The following SNX29 variants were observed in gnomAD, a reference collection of about 807,000 sequenced individuals.
SNX29 encodes sorting nexin-29.
In SNX29, 78 loss-of-function variants were observed where a neutral mutation model predicts 102.1. The ratio of observed to expected loss-of-function variants is 0.76; its 90% CI spans 0.64 to 0.92. The LOEUF (loss-of-function observed/expected upper bound fraction) is 0.92, where lower values mean the gene tolerates loss of function less well. SNX29 is among the 40% of genes least tolerant of loss of function. SNX29 has a pLI of 0.00. For synonymous variants in SNX29, 580 were observed against 414.5 expected (o/e 1.40, Z -4.85); for missense variants, 1,280 against 1,061.7 (o/e 1.21, Z -2.86).
At chr16:12,511,972 C>T (rs1157119887) in intron 19 of SNX29, among the ~76,000 whole-genome samples, 4 of 151,936 alleles carry the variant, frequency 2.6e-5, no homozygotes, top group Admixed American at 6.6e-5. Context: ...TAGCTGTGAC[C>T]GTTCACTGAG....
At position 12,129,688 on chromosome 16, in the gene SNX29, G is replaced by C; in HGVS notation, c.1525G>C (p.Val509Leu). Residue 509 changes from valine (V) to leucine (L), a missense_variant, in exon 13 of 21, where the codon GTG becomes CTG. Val to Leu is a conservative substitution (Grantham distance 32). Coordinates refer to ENST00000566228, the MANE Select transcript of SNX29 (RefSeq NM_032167.5). ...MEHSAALRQE[V>L]DTLKRKVAEQ... ...GCACTCAGCCGCGCTCCGGCAAGAG[G>C]TGGACACCTTGAAAAGGAAGGTGGC... is the stretch of plus-strand genomic sequence containing the variant. 6.2e-7 allele frequency: 1 copy of C among 1,611,360 alleles called. No individual in the cohort carries two copies. The highest frequency in any genetic ancestry group is 8.5e-7 in the Non-Finnish European group (1 of 1,179,648).
At chr16:12,031,930 A>G (rs923544078) in intron 4 of SNX29, among the ~76,000 whole-genome samples, 2 of 152,210 alleles carry the variant, frequency 1.3e-5, no homozygotes. Context: ...CACATGTCAT[A>G]CAGTAATCAT....
chr16:12,050,495 C>G (rs778719767), intron 7 of SNX29, among the ~76,000 whole-genome samples: 2 of 152,112 alleles, frequency 1.3e-5, no homozygotes, highest in African/African-American at 2.4e-5. Context: ...TCGGCTCACT[C>G]ATGGGAGCTG....
intron 16 of SNX29, among the ~76,000 whole-genome samples, chr16:12,381,178 A>T: frequency 2.7e-5 from 1 of 37,078 alleles, no homozygotes; most frequent in African/African-American, 1.0e-4. Context: ...CCATCCACCC[A>T]CCCACCATCC....
intron 20 of SNX29, among the ~76,000 whole-genome samples, chr16:12,537,903 G>C (rs765621102): frequency 3.3e-5 from 5 of 151,672 alleles, no homozygotes; most frequent in Admixed American, 3.3e-4. Context: ...GAGAGTCACT[G>C]GAACCCAGGA....
chr16:12,567,952 C>T (rs1446451993), intron 20 of SNX29, among the ~76,000 whole-genome samples: 2 of 152,192 alleles, frequency 1.3e-5, no homozygotes, highest in Non-Finnish European at 2.9e-5. Context: ...GAACCAGGAT[C>T]AGTGTCCCCC....
chr16:12,415,382 A>G (rs1351797318), intron 18 of SNX29, among the ~76,000 whole-genome samples: 3 of 152,278 alleles, frequency 2.0e-5, no homozygotes, highest in Non-Finnish European at 4.4e-5. Flanking sequence ...TTCTGGCACC[A>G]TTGAGTTTCA....
chr16:12,285,261 T>C (rs569228188), intron 15 of SNX29, among the ~76,000 whole-genome samples: 18 of 152,370 alleles, frequency 1.2e-4, no homozygotes, highest in African/African-American at 4.3e-4. Flanking sequence ...CAGCTCTTGC[T>C]TGCCGGCACC....
At chr16:12,462,963 C>G (rs1335607090) in intron 18 of SNX29, among the ~76,000 whole-genome samples, 1 of 152,200 alleles carries the variant, frequency 6.6e-6, no homozygotes, top group Admixed American at 6.5e-5. Context: ...CCCCCAGCAG[C>G]TTGATTGCCG....
intron 15 of SNX29, among the ~76,000 whole-genome samples, chr16:12,329,952 C>T (rs1179220137): frequency 6.6e-6 from 1 of 152,166 alleles, no homozygotes; most frequent in Non-Finnish European, 1.5e-5. Flanking sequence ...GCATATCTTA[C>T]AGATAGGTGC....
chr16:12,444,207 A>G (rs960036426), intron 18 of SNX29, among the ~76,000 whole-genome samples: 1 of 151,784 alleles, frequency 6.6e-6, no homozygotes, highest in Admixed American at 6.6e-5. Flanking sequence ...CATAGTAAGC[A>G]CTCAGTATAG....
chr16:12,564,124 C>T (rs72775226), intron 20 of SNX29, among the ~76,000 whole-genome samples: 39,500 of 151,870 alleles, frequency 0.26, 5,444 homozygotes, highest in East Asian at 0.44. Context: ...TGTGGTGGAT[C>T]GTGCCTATAA....
chr16:12,054,997 C>A (rs2050460542), intron 8 of SNX29, among the ~76,000 whole-genome samples: 2 of 152,118 alleles, frequency 1.3e-5, no homozygotes, highest in South Asian at 4.1e-4. Flanking sequence ...TTTTCAGCAG[C>A]CTTGTTCTTG....
chr16:12,360,072 C>T (rs935310760), intron 16 of SNX29, among the ~76,000 whole-genome samples: 12 of 152,218 alleles, frequency 7.9e-5, no homozygotes, highest in Admixed American at 6.5e-5. Context: ...GATCTGCCCG[C>T]CTCGGCCTCC....
intron 15 of SNX29, among the ~76,000 whole-genome samples, chr16:12,316,538 A>G (rs1169661723): frequency 1.3e-5 from 2 of 152,072 alleles, no homozygotes; most frequent in African/African-American, 4.8e-5. Flanking sequence ...GCGAAACTCC[A>G]TTTCAAAAAA....
At chr16:12,567,884 C>CA (rs2079078145) in intron 20 of SNX29, among the ~76,000 whole-genome samples, 1 of 152,182 alleles carries the variant, frequency 6.6e-6, no homozygotes, top group East Asian at 1.9e-4. Context: ...GAGGGCCTCC[C>CA]ACACAACCCA....
intron 14 of SNX29, among the ~76,000 whole-genome samples, chr16:12,231,653 C>T (rs1171510623): frequency 1.3e-5 from 2 of 152,166 alleles, no homozygotes; most frequent in Admixed American, 1.3e-4. Context: ...AGGATGTGGT[C>T]TCATAGGCAG....
intron 11 of SNX29, among the ~76,000 whole-genome samples, chr16:12,103,519 T>TA (rs2053105698): frequency 6.6e-6 from 1 of 152,212 alleles, no homozygotes; most frequent in African/African-American, 2.4e-5. Flanking sequence ...ACCCCTTCCT[T>TA]ACACCTTATA....
chr16:11,994,035 C>T (rs1475376673), intron 1 of SNX29, among the ~76,000 whole-genome samples: 6 of 152,238 alleles, frequency 3.9e-5, no homozygotes, highest in Non-Finnish European at 7.4e-5. Context: ...GCAGGATAAT[C>T]GCTTGAACCC....
Sources: gnomAD v4.1 joint callset for allele counts (sites outside exome capture counted in the v4.1 genomes callset) on GRCh38, gnomAD v4.1.1 for gene constraint, MANE v1.5 for transcripts, NCBI Gene and HGNC (gene_info 2026-07-23, HGNC 2026-07-21) for gene names.